The following PAX6 variants were observed in gnomAD, a reference collection of about 807,000 sequenced individuals.
PAX6 encodes the protein paired box 6.
A neutral mutation model predicts 60.7 loss-of-function variants in PAX6; 7 were observed. That is an observed-to-expected ratio of 0.12 (90% CI 0.07 to 0.22). The LOEUF is 0.22. Ranked by LOEUF, PAX6 falls within the 10% of genes least tolerant of loss-of-function variation. The probability of loss-of-function intolerance (pLI) is 1.00; values close to 1 mark genes in which losing one functional copy is unlikely to be tolerated. For synonymous variants in PAX6, 208 were observed against 201.2 expected (o/e 1.03, Z -0.29); for missense variants, 355 against 555.2 (o/e 0.64, Z 3.62).
chr11:31,801,367 C>T (rs1264820800), intron 7 of PAX6, 194 bp downstream of exon 7: 1 of 1,484,650 alleles, frequency 6.7e-7, no homozygotes, highest in Non-Finnish European at 8.9e-7. Context: ...ACTCCCCACA[C>T]TTGACTCCCA....
intron 5 of PAX6, chr11:31,802,113 A>G (rs1344089276): frequency 1.7e-6 from 1 of 586,004 alleles, no homozygotes; most frequent in East Asian, 2.9e-5. Flanking sequence ...AACGAAGTAG[A>G]TAAATTTATT....
intron 1 of PAX6, among the ~76,000 whole-genome samples, chr11:31,817,002 G>A (rs1377727806): frequency 1.3e-5 from 2 of 152,232 alleles, no homozygotes; most frequent in Non-Finnish European, 2.9e-5. Flanking sequence ...TCACTAAGGG[G>A]ACACTTCCGG....
At chr11:31,808,238 C>T (rs1246464045) in intron 2 of PAX6, 2 of 152,186 alleles carry the variant, frequency 1.3e-5, no homozygotes, top group African/African-American at 4.8e-5. Flanking sequence ...ACATTTTACT[C>T]TACAAGGCCA....
At chr11:31,806,761 A>G (rs1955906815) in intron 3 of PAX6, 88 bp downstream of exon 3, 1 of 334,508 alleles carries the variant, frequency 3.0e-6, no homozygotes, top group East Asian at 4.9e-5. Flanking sequence ...ATTTTCTTCT[A>G]TCTGAACTAT....
rs560030887 is a variant in PAX6 at position 31,794,875 on chromosome 11, A to C, written c.566-87T>G. 4.2e-4 allele frequency: 526 copies of C among 1,251,134 alleles called. 3 individuals carry two copies. The South Asian group carries it at 6.0e-3, about 14-fold the overall frequency. The allele number at this position is 1,251,134 out of a possible 1,614,324, so 77.5% of individuals were successfully genotyped here. A position where few individuals can be genotyped will look rare whatever the true frequency, so the allele number is the denominator to read the frequency against. On this transcript the variant is annotated intron_variant, in intron 8 of 13. Coordinates refer to ENST00000640368, the MANE Select transcript of PAX6 (RefSeq NM_001368894.2). ...GCCTGGTGTAGTCTTAAACTCCAAG[A>C]GCATTATATCCCGACAGCCTCACCA...
upstream of PAX6, among the ~76,000 whole-genome samples, chr11:31,816,031 C>G (rs2135445843): frequency 6.6e-6 from 1 of 152,338 alleles, no homozygotes; most frequent in South Asian, 2.1e-4. Context: ...CAACAAATGA[C>G]ACCACCCAGG....
At chr11:31,796,028 A>G (rs1468647603) in intron 8 of PAX6, among the ~76,000 whole-genome samples, 6 of 152,262 alleles carry the variant, frequency 3.9e-5, no homozygotes, top group African/African-American at 1.4e-4. Context: ...GCGCCTTCAA[A>G]GAGTTCAGGG....
At chr11:31,802,571 G>T (rs1954365703) in intron 5 of PAX6, 133 bp downstream of exon 5, 1 of 877,736 alleles carries the variant, frequency 1.1e-6, no homozygotes, top group African/African-American at 1.7e-5. Context: ...GGAGTGGGTG[G>T]GGGGACTGGG....
At position 31,802,715 on chromosome 11, in the gene PAX6, G is replaced by T. The variant is rs141873759; in HGVS notation, c.130C>A (p.Arg44=). The change falls in exon 5 of 14, where the codon CGA becomes AGA. Residue 44 remains arginine (R), a synonymous_variant. Coordinates refer to ENST00000640368, the MANE Select transcript of PAX6 (RefSeq NM_001368894.2). ...GCCGGGAGGATCACCTGCAGAATTC[G>T]GGAAATGTCGCACGGCCGGGCCCCG... ...HSGARPCDIS[R]ILQTHADAKV... 525 of 1,612,658 alleles carry T rather than the reference G, an allele frequency of 3.3e-4. 4 individuals are homozygous for T. In the African/African-American group the frequency reaches 5.7e-3, roughly 17 times the overall value.
At chr11:31,804,194 G>A (rs1381673520) in intron 4 of PAX6, 1 of 152,240 alleles carries the variant, frequency 6.6e-6, no homozygotes, top group East Asian at 1.9e-4. Flanking sequence ...TCTGGAAATA[G>A]GCGGAAGTCG....
intron 5 of PAX6, 72 bp from the exon 6 acceptor site, chr11:31,801,984 T>C: frequency 4.1e-6 from 5 of 1,234,538 alleles, no homozygotes; most frequent in South Asian, 3.8e-5. Context: ...AAAATTACAT[T>C]TGTAGCCCTA....
intron 12 of PAX6, chr11:31,792,846 C>T (rs1950335426): frequency 9.2e-6 from 2 of 217,698 alleles, no homozygotes; most frequent in Non-Finnish European, 1.8e-5. Flanking sequence ...ACAGCAAAGA[C>T]ACACTAAATT....
chr11:31,812,108 T>C (rs1592662286), upstream of PAX6: 2 of 152,014 alleles, frequency 1.3e-5, no homozygotes, highest in African/African-American at 4.8e-5. Context: ...GTACAGAGGG[T>C]TCTTGTGAAA....
chr11:31,810,658 C>A (rs910606639), intron 2 of PAX6, 170 bp downstream of exon 2: 20 of 393,510 alleles, frequency 5.1e-5, no homozygotes, highest in African/African-American at 8.3e-5. Context: ...CGGGCTTTCG[C>A]TGGAAGTAGA....
intron 7 of PAX6, 89 bp from the exon 8 acceptor site, chr11:31,800,945 A>T (rs1185051401): frequency 1.4e-6 from 2 of 1,385,092 alleles, no homozygotes; most frequent in African/African-American, 2.9e-5. Flanking sequence ...TTAAAAAGCA[A>T]CTCTCAACCC....
chr11:31,814,538 G>T (rs1168568807), upstream of PAX6: 1 of 152,276 alleles, frequency 6.6e-6, no homozygotes, highest in Non-Finnish European at 1.5e-5. Context: ...GCTGGAAAGG[G>T]TGAAGACTGG....
Position 31,789,245 on chromosome 11 carries a change from A to G in PAX6, c.*689T>C. 1 of 214,620 alleles carries G rather than the reference A, an allele frequency of 4.7e-6. No individual in the cohort carries two copies. Among genetic ancestry groups the G allele is most frequent in the Non-Finnish European group, 9.4e-6 (1 of 106,362 alleles). 13.3% of individuals were successfully genotyped at this position (214,620 alleles called of 1,614,324 possible). ...TATAGAAATCATTCTGAGGATTTCT[A>G]GGGAAGACAAATACTTACATTTTGA... On this transcript the variant is annotated 3_prime_UTR_variant, in exon 14 of 14. Coordinates refer to ENST00000640368, the MANE Select transcript of PAX6 (RefSeq NM_001368894.2).
chr11:31,802,941 GA>G, intron 4 of PAX6, 107 bp from the exon 5 acceptor site: 1 of 1,095,428 alleles, frequency 9.1e-7, no homozygotes, highest in Non-Finnish European at 1.4e-6. Context: ...AACAAGAACA[GA>G]AAGGAGAGGA....
intron 12 of PAX6, 107 bp from the exon 13 acceptor site, chr11:31,790,967 G>A (rs1370086630): frequency 2.5e-6 from 3 of 1,195,234 alleles, no homozygotes; most frequent in Admixed American, 2.0e-5. Flanking sequence ...GATCATTAAA[G>A]ATGCCTTCAC....
Sources: allele counts gnomAD v4.1 joint callset (sites outside exome capture counted in the v4.1 genomes callset), GRCh38; gene constraint gnomAD v4.1.1; transcripts MANE v1.5; gene names NCBI Gene and HGNC (gene_info 2026-07-23, HGNC 2026-07-21).